Variants in PCDHGA2 observed in about 807,000 individuals in gnomAD.
PCDHGA2 encodes the protein protocadherin gamma-A2.
Under a neutral mutation model 59.2 loss-of-function variants are expected in PCDHGA2, and 40 were observed. That is an observed-to-expected ratio of 0.68 (90% CI 0.52 to 0.88). PCDHGA2 has a LOEUF of 0.88. Among genes scored for constraint, PCDHGA2 ranks in the 40% least tolerant of loss-of-function variants. The probability of loss-of-function intolerance (pLI) is 0.00; values close to 1 mark genes in which losing one functional copy is unlikely to be tolerated. For synonymous variants in PCDHGA2, 560 were observed against 526.0 expected (o/e 1.06, Z -0.89); for missense variants, 1,226 against 1,204.0 (o/e 1.02, Z -0.27).
intron 1 of PCDHGA2, chr5:141,376,210 C>G (rs112869528): frequency 6.2e-7 from 1 of 1,614,162 alleles, no homozygotes; most frequent in Non-Finnish European, 8.5e-7. Context: ...CCTTCGTCAT[C>G]GTGCTGCTGG....
chr5:141,421,834 C>A, intron 1 of PCDHGA2: 2 of 1,613,748 alleles, frequency 1.2e-6, no homozygotes. Flanking sequence ...AAGCCTGGAC[C>A]GAGAGAAAGA....
At chr5:141,350,401 A>G (rs1465842989) in intron 1 of PCDHGA2, 1 of 1,600,540 alleles carries the variant, frequency 6.2e-7, no homozygotes, top group South Asian at 1.1e-5. Context: ...GGGTGGGGAA[A>G]CTTGCCAAGG....
At chr5:141,356,702 T>G in intron 1 of PCDHGA2, 1 of 1,614,034 alleles carries the variant, frequency 6.2e-7, no homozygotes, top group Non-Finnish European at 8.5e-7. Flanking sequence ...GGTGCACCTC[T>G]GTCCTCCTAT....
chr5:141,511,265 A>C lies in PCDHGA2; in HGVS notation c.*92A>C. The C allele has an allele frequency of 6.4e-7, 1 of 1,551,730 alleles. No individual in the cohort carries two copies. Among genetic ancestry groups the C allele is most frequent in the Non-Finnish European group, 8.7e-7 (1 of 1,148,178 alleles). ...ACCCAGGCCTCAGAGTTTCAGGGCT[A>C]ACCCCCAGAATACTGGTAGGGGCCA... On this transcript the variant is annotated 3_prime_UTR_variant, in exon 4 of 4. Coordinates refer to ENST00000394576, the MANE Select transcript of PCDHGA2 (RefSeq NM_018915.4).
intron 2 of PCDHGA2, 141 bp downstream of exon 2, chr5:141,495,006 G>A (rs1030195663): frequency 1.3e-6 from 2 of 1,521,564 alleles, no homozygotes; most frequent in Non-Finnish European, 1.8e-6. Flanking sequence ...CTTGGTGTGC[G>A]GGGGGCTGGC....
chr5:141,373,528 A>C lies in PCDHGA2; in HGVS notation c.2424+32133A>C, dbSNP rs186719526. Among the ~76,000 whole-genome samples, 616 of 152,300 alleles carry C rather than the reference A, an allele frequency of 4.0e-3. 6 individuals are homozygous for C. The highest frequency in any genetic ancestry group is 0.011 in the Admixed American group (171 of 15,302). On this transcript the variant is annotated intron_variant, in intron 1 of 3. Transcript: ENST00000394576. ...ACAGAGCGAGACTTTGTCTCCAAAA[A>C]AGTGTTTGTGGTTGTTGGTACCCTT...
rs749543351 is a variant in PCDHGA2 at position 141,344,213 on chromosome 5, G to T, written c.2424+2818G>T. 29 of 1,614,048 alleles carry T rather than the reference G, an allele frequency of 1.8e-5. No individual in the cohort carries two copies. The South Asian group carries it at 2.9e-4, about 16-fold the overall frequency. The stretch of plus-strand genomic sequence containing the variant: ...TGGGGCTAGAGCCCCGGGAGCTGGC[G>T]GAGCGCGGAGTCCGCATCGTCTCCA... On this transcript the variant is annotated intron_variant, in intron 1 of 3. Coordinates refer to ENST00000394576, the MANE Select transcript of PCDHGA2 (RefSeq NM_018915.4).
At chr5:141,496,178 C>T (rs1481326898) in intron 2 of PCDHGA2, among the ~76,000 whole-genome samples, 2 of 152,080 alleles carry the variant, frequency 1.3e-5, no homozygotes, top group Admixed American at 1.3e-4. Flanking sequence ...CCCATCCAAG[C>T]AGCCCCAGCT....
intron 1 of PCDHGA2, chr5:141,394,099 C>T: frequency 1.2e-6 from 2 of 1,613,930 alleles, no homozygotes; most frequent in South Asian, 1.1e-5. Context: ...GATCTAGGAA[C>T]ACCACCTCTG....
At chr5:141,366,560 G>A (rs1441467698) in intron 1 of PCDHGA2, 2 of 1,614,132 alleles carry the variant, frequency 1.2e-6, no homozygotes, top group Non-Finnish European at 1.7e-6. Flanking sequence ...TGTGGGCGTG[G>A]ATGGGGTTCG....
At chr5:141,505,259 C>T in intron 2 of PCDHGA2, 134 bp from the exon 3 acceptor site, 2 of 1,500,262 alleles carry the variant, frequency 1.3e-6, no homozygotes, top group Admixed American at 2.0e-5. Flanking sequence ...GTGCCTCCTA[C>T]CTTGCTGAGA....
Position 141,487,243 on chromosome 5 carries a change from C to T in PCDHGA2, c.2425-7564C>T. 1 of 1,614,114 alleles carries T rather than the reference C, an allele frequency of 6.2e-7. No individual in the cohort carries two copies. The highest frequency in any genetic ancestry group is 8.5e-7 in the Non-Finnish European group (1 of 1,180,000). Reference sequence around the variant, plus strand: ...CAAGGGAAGGAGAATCTCGTCTAACCCTCTACTTGGCTGTGTCCCTAGTGG... The same window carrying T: ...CAAGGGAAGGAGAATCTCGTCTAACTCTCTACTTGGCTGTGTCCCTAGTGG... On this transcript the variant is annotated intron_variant, in intron 1 of 3. Coordinates refer to ENST00000394576, the MANE Select transcript of PCDHGA2 (RefSeq NM_018915.4). The surrounding 1 kb of genome is among the most constrained non-coding windows in gnomAD (Gnocchi z 5.0).
At chr5:141,413,198 C>T in intron 1 of PCDHGA2, 5 of 1,611,416 alleles carry the variant, frequency 3.1e-6, no homozygotes, top group Non-Finnish European at 2.5e-6. Flanking sequence ...AGGAATCGCT[C>T]AAAGGAATCA....
chr5:141,493,784 T>A lies in PCDHGA2; in HGVS notation c.2425-1023T>A, dbSNP rs1368708028. ...AGCCACTGGCAGTTCCGGAGCTTCC[T>A]TCTCCCTGGAGTAATCTGAGATACT... On this transcript the variant is annotated intron_variant, in intron 1 of 3. Coordinates refer to ENST00000394576, the MANE Select transcript of PCDHGA2 (RefSeq NM_018915.4). This position sits in a 1 kb window ranked among gnomAD's most constrained non-coding sequence, Gnocchi z 4.3. 1.3e-5 allele frequency among the ~76,000 whole-genome samples: 2 copies of A among 152,194 alleles called. No individual in the cohort carries two copies. Among genetic ancestry groups the A allele is most frequent in the Non-Finnish European group, 2.9e-5 (2 of 68,032 alleles).
chr5:141,348,541 C>T (rs1758139506), intron 1 of PCDHGA2, among the ~76,000 whole-genome samples: 1 of 152,128 alleles, frequency 6.6e-6, no homozygotes, highest in South Asian at 2.1e-4. Context: ...AAGATAATTT[C>T]TAAGAATTCT....
intron 1 of PCDHGA2, chr5:141,409,665 CCTACT>C (rs753951498): frequency 6.2e-7 from 1 of 1,613,576 alleles, no homozygotes; most frequent in Admixed American, 1.7e-5. Context: ...GGCCACATCT[CCTACT>C]CTATAGTGGC....
intron 1 of PCDHGA2, chr5:141,399,103 C>CA (rs755732381): frequency 6.2e-7 from 1 of 1,613,604 alleles, no homozygotes; most frequent in African/African-American, 1.3e-5. Context: ...ACTGGTTGCA[C>CA]AATGTACAGT....
intron 1 of PCDHGA2, chr5:141,361,762 A>G (rs1184426981): frequency 6.2e-7 from 1 of 1,613,010 alleles, no homozygotes; most frequent in Non-Finnish European, 8.5e-7. Flanking sequence ...GCCCGCGCTC[A>G]GCGCCAACGT....
In PCDHGA2 at chr5:141,398,692, A is replaced by G. The variant is rs150385715; in HGVS notation, c.2424+57297A>G. 1.9e-3 allele frequency: 3,041 copies of G among 1,613,942 alleles called. 6 individuals carry two copies. Among genetic ancestry groups the G allele is most frequent in the Non-Finnish European group, 2.3e-3 (2,760 of 1,179,898 alleles). On this transcript the variant is annotated intron_variant, in intron 1 of 3. Coordinates refer to ENST00000394576, the MANE Select transcript of PCDHGA2 (RefSeq NM_018915.4). The stretch of plus-strand genomic sequence containing the variant: ...AATAATTAAGGAGAAACAGGATGGT[A>G]GTAAATACCCGGAACTGGCACTGGA...
Sources: gnomAD v4.1 joint callset for allele counts (sites outside exome capture counted in the v4.1 genomes callset) on GRCh38, gnomAD v4.1.1 for gene constraint, Gnocchi (gnomAD v3.1) non-coding constraint, MANE v1.5 for transcripts, NCBI Gene and HGNC (gene_info 2026-07-23, HGNC 2026-07-21) for gene names.